TLL1: variants seen among roughly 807,000 people sequenced by gnomAD.
TLL1 encodes the protein tolloid-like protein 1.
Under a neutral mutation model 128.2 loss-of-function variants are expected in TLL1, and 49 were observed. That is an observed-to-expected ratio of 0.38 (90% CI 0.30 to 0.48). The LOEUF is 0.48. Ranked by LOEUF, TLL1 falls within the 20% of genes least tolerant of loss-of-function variation. The pLI, the probability that TLL1 is intolerant of heterozygous loss-of-function variation, is 0.96. For synonymous variants in TLL1, 454 were observed against 418.8 expected (o/e 1.08, Z -1.03); for missense variants, 1,123 against 1,242.0 (o/e 0.90, Z 1.44).
At chr4:166,069,041 T>C (rs1050385172) in intron 16 of TLL1, among the ~76,000 whole-genome samples, 3 of 151,686 alleles carry the variant, frequency 2.0e-5, no homozygotes, top group African/African-American at 7.2e-5. Context: ...AATTTAAATA[T>C]AAAAATAAAT....
intron 9 of TLL1, among the ~76,000 whole-genome samples, chr4:166,035,929 T>C (rs1332732638): frequency 6.6e-6 from 1 of 152,152 alleles, no homozygotes; most frequent in East Asian, 1.9e-4. Context: ...GCCTTATTTC[T>C]GAGGCAAAAA....
intron 1 of TLL1, among the ~76,000 whole-genome samples, chr4:165,959,959 A>G (rs1263519037): frequency 1.3e-5 from 2 of 152,148 alleles, no homozygotes; most frequent in African/African-American, 4.8e-5. Context: ...ACTAACCCGA[A>G]AGGTAACAGA....
At chr4:166,082,885 C>A (rs1437638193) in intron 18 of TLL1, among the ~76,000 whole-genome samples, 1 of 152,036 alleles carries the variant, frequency 6.6e-6, no homozygotes, top group Non-Finnish European at 1.5e-5. Flanking sequence ...CTATGTTGGC[C>A]AGGCTGGTCT....
chr4:165,994,453 T>G lies in TLL1; in HGVS notation c.434T>G (p.Val145Gly), dbSNP rs2111018326. The change falls in exon 4 of 21, where the codon GTT (valine) becomes GGT (glycine). Residue 145 changes from valine to glycine, a missense_variant. By Grantham distance (109) the Val-to-Gly change is moderately radical. Around this residue, in one of 3 missense-constraint regions of TLL1, gnomAD observed 480 missense variants for 542.4 expected, o/e 0.89. Coordinates refer to ENST00000061240, the MANE Select transcript of TLL1 (RefSeq NM_012464.5). Reference sequence around the variant, plus strand: ...TCAGGGCAAAATGAGAAAAATCGAGTTCCCAGAGCCGCTACATCAAGAACG... The same window carrying G: ...TCAGGGCAAAATGAGAAAAATCGAGGTCCCAGAGCCGCTACATCAAGAACG... Reference protein sequence around the residue: ...QFSGQNEKNRVPRAATSRTER... With the variant: ...QFSGQNEKNRGPRAATSRTER... 6.2e-7 allele frequency: 1 copy of G among 1,613,790 alleles called. No homozygotes were observed. The highest frequency in any genetic ancestry group is 8.5e-7 in the Non-Finnish European group (1 of 1,179,884).
chr4:165,883,534 T>G (rs1343538138), intron 1 of TLL1, among the ~76,000 whole-genome samples: 1 of 152,226 alleles, frequency 6.6e-6, no homozygotes, highest in Non-Finnish European at 1.5e-5. Flanking sequence ...AAGGTGATAT[T>G]ATAATCCTCA....
chr4:166,003,542 A>G lies in TLL1; in HGVS notation c.784A>G (p.Thr262Ala). 2 of 1,614,026 alleles carry G rather than the reference A, an allele frequency of 1.2e-6. No homozygotes were observed. Among genetic ancestry groups the G allele is most frequent in the Non-Finnish European group, 1.7e-6 (2 of 1,179,932 alleles). The change falls in exon 6 of 21, where the codon ACT becomes GCT. Residue 262 changes from threonine (T) to alanine (A), a missense_variant. This residue lies in a region of TLL1 where 480 missense variants were observed against 542.4 expected (regional missense o/e 0.89). Coordinates refer to ENST00000061240, the MANE Select transcript of TLL1 (RefSeq NM_012464.5). ...AAGACCAGATCGAGATAACCACGTA[A>G]CTATCATAAGAGAAAACATCCAGCC... The part of the protein sequence containing the change: ...HTRPDRDNHV[T>A]IIRENIQPGQ...
intron 2 of TLL1, 94 bp from the exon 3 acceptor site, chr4:165,992,710 G>T: frequency 8.7e-7 from 1 of 1,154,060 alleles, no homozygotes; most frequent in South Asian, 1.3e-5. Flanking sequence ...CATAAAAAAT[G>T]ACCAAAGAGA....
chr4:166,097,700 A>G (rs1012858874), intron 19 of TLL1, among the ~76,000 whole-genome samples: 7 of 152,142 alleles, frequency 4.6e-5, no homozygotes, highest in South Asian at 2.1e-4. Context: ...GAAAAGTCCA[A>G]TTTAGAATTT....
chr4:165,903,117 T>A (rs1732077797), intron 1 of TLL1, among the ~76,000 whole-genome samples: 1 of 152,110 alleles, frequency 6.6e-6, no homozygotes, highest in Admixed American at 6.5e-5. Context: ...GGCACGCAGA[T>A]CACCTGAGGT....
chr4:166,071,645 C>T (rs768938188), intron 16 of TLL1, among the ~76,000 whole-genome samples: 1 of 151,762 alleles, frequency 6.6e-6, no homozygotes, highest in Non-Finnish European at 1.5e-5. Flanking sequence ...TTTCTCTTTC[C>T]TTGGATTTGT....
rs144169194 is a variant in TLL1 at position 165,888,024 on chromosome 4, G to A, written c.169+13951G>A. 6.1e-3 allele frequency among the ~76,000 whole-genome samples: 925 copies of A among 152,114 alleles called. 6 individuals carry two copies. The highest frequency in any genetic ancestry group is 0.02 in the African/African-American group (826 of 41,508). On this transcript the variant is annotated intron_variant, in intron 1 of 20. Coordinates refer to ENST00000061240, the MANE Select transcript of TLL1 (RefSeq NM_012464.5). Reference sequence around the variant, plus strand: ...TCCAACATTCTTGACAGTCTTGTACGTTTTAATAATTTATATGTATATTCT... The same window carrying A: ...TCCAACATTCTTGACAGTCTTGTACATTTTAATAATTTATATGTATATTCT...
intron 1 of TLL1, among the ~76,000 whole-genome samples, chr4:165,906,387 G>A (rs978638542): frequency 1.7e-4 from 26 of 152,246 alleles, no homozygotes; most frequent in Admixed American, 2.6e-4. Context: ...AATTTAACAT[G>A]TGAGGAAACT....
At chr4:165,989,974 T>C (rs1421357219) in intron 2 of TLL1, among the ~76,000 whole-genome samples, 1 of 151,892 alleles carries the variant, frequency 6.6e-6, no homozygotes, top group Non-Finnish European at 1.5e-5. Flanking sequence ...AAATTATTCT[T>C]AGAGAAATTA....
chr4:166,081,672 G>A (rs1249093376), intron 18 of TLL1, among the ~76,000 whole-genome samples: 3 of 151,982 alleles, frequency 2.0e-5, no homozygotes, highest in South Asian at 2.1e-4. Context: ...TTCCTTGGAA[G>A]GACCTGACAT....
At chr4:165,890,660 CT>C (rs897580973) in intron 1 of TLL1, among the ~76,000 whole-genome samples, 6 of 152,224 alleles carry the variant, frequency 3.9e-5, no homozygotes, top group African/African-American at 1.4e-4. Flanking sequence ...CTCCCATGGC[CT>C]TGGGCAGCTC....
At chr4:166,002,493 G>A (rs1737217276) in intron 5 of TLL1, among the ~76,000 whole-genome samples, 1 of 152,018 alleles carries the variant, frequency 6.6e-6, no homozygotes, top group African/African-American at 2.4e-5. Flanking sequence ...TGCTCAGGCT[G>A]GAGCGCAGTG....
In TLL1 at chr4:166,060,017, T is replaced by G; in HGVS notation, c.1847-11T>G. Reference sequence around the variant, plus strand: ...GGGGAGAATATACCTTTTTCTTTTCTTTTCTTCTAGCTGCTTGTGGTGGAC... The same window carrying G: ...GGGGAGAATATACCTTTTTCTTTTCGTTTCTTCTAGCTGCTTGTGGTGGAC... On this transcript the variant is annotated splice_polypyrimidine_tract_variant and intron_variant, in intron 14 of 20. Transcript: ENST00000061240. 2 of 1,613,566 alleles carry G rather than the reference T, an allele frequency of 1.2e-6. No individual in the cohort carries two copies. The highest frequency in any genetic ancestry group is 2.2e-5 in the South Asian group (2 of 91,076).
At chr4:165,994,589 TTA>T in intron 4 of TLL1, 56 bp downstream of exon 4, 1 of 1,589,520 alleles carries the variant, frequency 6.3e-7, no homozygotes, top group East Asian at 2.2e-5. Flanking sequence ...ATCATACAGA[TTA>T]AGTGTCTATT....
chr4:166,020,762 T>G (rs1204615152), intron 8 of TLL1, among the ~76,000 whole-genome samples: 2 of 152,228 alleles, frequency 1.3e-5, no homozygotes, highest in Admixed American at 6.5e-5. Flanking sequence ...TCAGTAAGTC[T>G]TCCTTAATTA....
Sources: allele counts gnomAD v4.1 joint callset (sites outside exome capture counted in the v4.1 genomes callset), GRCh38; gene constraint gnomAD v4.1.1; regional missense constraint gnomAD v4.1.1; transcripts MANE v1.5; gene names NCBI Gene and HGNC (gene_info 2026-07-23, HGNC 2026-07-21).